Variants in EIF2AK2 observed in about 807,000 individuals in gnomAD.
The protein encoded by EIF2AK2 is eukaryotic translation initiation factor 2 alpha kinase 2, also known as interferon-induced, double-stranded RNA-activated protein kinase.
Under a neutral mutation model 70.5 loss-of-function variants are expected in EIF2AK2, and 40 were observed. The observed-to-expected ratio is 0.57, with a 90% CI of 0.44 to 0.74. EIF2AK2 has a LOEUF of 0.74. Among genes scored for constraint, EIF2AK2 ranks in the 30% least tolerant of loss-of-function variants. EIF2AK2 has a pLI of 0.00. For missense variants in EIF2AK2, 555 were observed against 644.3 expected, an observed-to-expected ratio of 0.86 and a Z score of 1.50; for synonymous variants, 198 against 220.9, an observed-to-expected ratio of 0.90 and a Z score of 0.92.
rs1186528799 is a variant in EIF2AK2 at position 37,100,207 on chromosome 2, G to A, written c.*7066C>T. On this transcript the variant is annotated 3_prime_UTR_variant, in exon 17 of 17. Transcript: ENST00000233057. ...CCACTGAGTGCAAAAGCCTGTTGAG[G>A]TAAAACTGCAGACCTGCATGGGTGG... 6.6e-6 allele frequency: 1 copy of A among 152,206 alleles called. No homozygotes were observed. The highest frequency in any genetic ancestry group is 1.5e-5 in the Non-Finnish European group (1 of 68,040). 9.4% of individuals were successfully genotyped at this position (152,206 alleles called of 1,614,324 possible).
At chr2:37,138,891 G>C (rs946443575) in intron 6 of EIF2AK2, among the ~76,000 whole-genome samples, 2 of 151,842 alleles carry the variant, frequency 1.3e-5, no homozygotes, top group Non-Finnish European at 2.9e-5. Context: ...CATCTCCCAG[G>C]CTCAGGCAAT....
chr2:37,122,240 A>T (rs1052847558), intron 12 of EIF2AK2, among the ~76,000 whole-genome samples: 1 of 152,232 alleles, frequency 6.6e-6, no homozygotes, highest in African/African-American at 2.4e-5. Context: ...TCCATGAAAC[A>T]ATGGAGTCAG....
chr2:37,115,612 T>C (rs1054240511), intron 13 of EIF2AK2, among the ~76,000 whole-genome samples: 55 of 152,124 alleles, frequency 3.6e-4, no homozygotes, highest in African/African-American at 1.3e-3. Flanking sequence ...TGAGGAAATG[T>C]TGCAAATATG....
At chr2:37,148,594 T>G in intron 2 of EIF2AK2, 1 of 829,562 alleles carries the variant, frequency 1.2e-6, no homozygotes, top group Non-Finnish European at 2.1e-6. Context: ...CCTACTATAC[T>G]TGTCACACAG....
chr2:37,104,340 G>C lies in EIF2AK2; in HGVS notation c.*2933C>G, dbSNP rs1470201949. On this transcript the variant is annotated 3_prime_UTR_variant, in exon 17 of 17. Transcript: ENST00000233057. ...TTTCTTTTATTATTATTATTATTTA[G>C]ATATGATCTCACTCTGTCACCCAGG... is the stretch of plus-strand genomic sequence containing the variant. The C allele has an allele frequency of 6.6e-6, 1 of 151,676 alleles. No homozygotes were observed. Among genetic ancestry groups the C allele is most frequent in the Admixed American group, 6.6e-5 (1 of 15,202 alleles). The allele number at this position is 151,676 out of a possible 1,614,324, so 9.4% of individuals were successfully genotyped here. A position where few individuals can be genotyped will look rare whatever the true frequency, so the allele number is the denominator to read the frequency against.
intron 1 of EIF2AK2, among the ~76,000 whole-genome samples, chr2:37,154,754 G>T (rs1181146032): frequency 6.6e-6 from 1 of 151,966 alleles, no homozygotes; most frequent in East Asian, 1.9e-4. Context: ...TAGAGACGGG[G>T]TTTCCCCATG....
chr2:37,119,116 G>A (rs1674444274), intron 13 of EIF2AK2, among the ~76,000 whole-genome samples: 1 of 152,156 alleles, frequency 6.6e-6, no homozygotes. Context: ...GGGAATGGAG[G>A]AAAGGCTGTG....
intron 10 of EIF2AK2, among the ~76,000 whole-genome samples, chr2:37,132,028 C>T (rs1288867824): frequency 6.6e-6 from 1 of 152,174 alleles, no homozygotes; most frequent in Non-Finnish European, 1.5e-5. Context: ...CCATTGTCTA[C>T]TAAAGGCAGC....
intron 10 of EIF2AK2, among the ~76,000 whole-genome samples, chr2:37,131,737 G>A (rs1310647118): frequency 1.3e-5 from 2 of 151,950 alleles, no homozygotes; most frequent in African/African-American, 2.4e-5. Context: ...AACCCTCCCC[G>A]CCAAGCAGGA....
intron 14 of EIF2AK2, among the ~76,000 whole-genome samples, chr2:37,111,393 CTTTTCT>C (rs1314881772): frequency 2.2e-5 from 3 of 136,198 alleles, no homozygotes; most frequent in Non-Finnish European, 3.3e-5. Context: ...TATGGAATTT[CTTTTCT>C]TTTTTTTTTT....
intron 14 of EIF2AK2, chr2:37,109,609 G>A (rs902601471): frequency 5.8e-5 from 14 of 241,016 alleles, no homozygotes; most frequent in Admixed American, 2.7e-4. Context: ...CCCAGTAGGC[G>A]GCTTGCATTG....
chr2:37,120,352 A>G lies in EIF2AK2; in HGVS notation c.1068-213T>C, dbSNP rs1437971247. ...AACCCCGTCTCTACTAAAAATACAA[A>G]AAATTAGCCAGGCGTGGTGGCGGGC... is the stretch of plus-strand genomic sequence containing the variant. On this transcript the variant is annotated intron_variant, in intron 12 of 16. Transcript: ENST00000233057. 2.6e-5 allele frequency among the ~76,000 whole-genome samples: 4 copies of G among 151,028 alleles called. No individual in the cohort carries two copies. The East Asian group carries it at 7.8e-4, about 30-fold the overall frequency.
At chr2:37,122,706 T>C (rs767599175) in intron 11 of EIF2AK2, 42 bp from the exon 12 acceptor site, 12 of 1,612,090 alleles carry the variant, frequency 7.4e-6, no homozygotes, top group Non-Finnish European at 9.3e-6. Context: ...TCAGTGTACA[T>C]CCCTCATAAC....
At chr2:37,127,274 A>G (rs1674773988) in intron 10 of EIF2AK2, among the ~76,000 whole-genome samples, 1 of 152,034 alleles carries the variant, frequency 6.6e-6, no homozygotes, top group Admixed American at 6.6e-5. Context: ...CCATAGCAGT[A>G]CCTCGTTAAC....
Position 37,148,947 on chromosome 2 carries a change from A to C in EIF2AK2, c.-107T>G. 1.2e-6 allele frequency: 1 copy of C among 822,628 alleles called. No individual in the cohort carries two copies. Among genetic ancestry groups the C allele is most frequent in the South Asian group, 1.3e-5 (1 of 75,158 alleles). The allele number at this position is 822,628 out of a possible 1,614,324, so 51.0% of individuals were successfully genotyped here. A position where few individuals can be genotyped will look rare whatever the true frequency, so the allele number is the denominator to read the frequency against. ...ACCGCCAGAGAAGCAAACCTGAGTC[A>C]GATGGAAGAACTGCTAAAGTTTTGA... On this transcript the variant is annotated 5_prime_UTR_variant, in exon 2 of 17. Coordinates refer to ENST00000233057, the MANE Select transcript of EIF2AK2 (RefSeq NM_001135651.3).
intron 1 of EIF2AK2, chr2:37,149,425 G>A (rs762166384): frequency 5.6e-5 from 26 of 464,512 alleles, no homozygotes; most frequent in East Asian, 2.6e-4. Context: ...CAATGTGCAC[G>A]AATTTTTCAT....
chr2:37,116,100 T>C (rs1465320393), intron 13 of EIF2AK2, among the ~76,000 whole-genome samples: 1 of 152,078 alleles, frequency 6.6e-6, no homozygotes, highest in Non-Finnish European at 1.5e-5. Flanking sequence ...ATTTTCACCA[T>C]GTTGGCCAGA....
intron 12 of EIF2AK2, among the ~76,000 whole-genome samples, chr2:37,120,580 C>T (rs1238360648): frequency 7.2e-6 from 1 of 138,110 alleles, no homozygotes; most frequent in Non-Finnish European, 1.6e-5. Flanking sequence ...ATATAATAAA[C>T]AAATTTGAAT....
At chr2:37,125,137 C>T (rs192372005) in intron 11 of EIF2AK2, among the ~76,000 whole-genome samples, 1 of 152,086 alleles carries the variant, frequency 6.6e-6, no homozygotes, top group South Asian at 2.1e-4. Context: ...CTCAGCCTCT[C>T]GAGAAGCTGA....
Sources: gnomAD v4.1 joint callset for allele counts (sites outside exome capture counted in the v4.1 genomes callset) on GRCh38, gnomAD v4.1.1 for gene constraint, MANE v1.5 for transcripts, NCBI Gene and HGNC (gene_info 2026-07-23, HGNC 2026-07-21) for gene names.